The following PDZD8 variants were observed in gnomAD, a reference collection of about 807,000 sequenced individuals.
The protein encoded by PDZD8 is PDZ domain containing 8.
Under a neutral mutation model 85.8 loss-of-function variants are expected in PDZD8, and 14 were observed. That is an observed-to-expected ratio of 0.16 (90% confidence interval 0.11 to 0.26). The LOEUF is 0.26. PDZD8 is among the 10% of genes least tolerant of loss of function. PDZD8 has a pLI of 1.00. For synonymous variants in PDZD8, 592 were observed against 568.6 expected (o/e 1.04, Z -0.59); for missense variants, 1,197 against 1,424.3 (o/e 0.84, Z 2.57).
At chr10:117,326,973 C>A (rs1323806696) in intron 2 of PDZD8, among the ~76,000 whole-genome samples, 1 of 152,060 alleles carries the variant, frequency 6.6e-6, no homozygotes, top group Non-Finnish European at 1.5e-5. Flanking sequence ...TCATGGGGAC[C>A]CTGCTTAGGG....
chr10:117,333,117 C>CAAAAAAAAACAAAAAAAAA (rs1554854831), intron 2 of PDZD8, among the ~76,000 whole-genome samples: 2 of 7,256 alleles, frequency 2.8e-4, no homozygotes, highest in Non-Finnish European at 1.2e-3. Flanking sequence ...GACTCTGTCT[C>CAAAAAAAAACAAAAAAAAA]AAAAAAAAAA....
chr10:117,297,901 C>T (rs913417437), intron 3 of PDZD8, among the ~76,000 whole-genome samples: 2 of 151,960 alleles, frequency 1.3e-5, no homozygotes, highest in African/African-American at 2.4e-5. Context: ...AAAAACAAAA[C>T]CTTATATATG....
In PDZD8 at chr10:117,341,061, T is replaced by A; in HGVS notation, c.914A>T (p.Glu305Val). 1 of 1,613,796 alleles carries A rather than the reference T, an allele frequency of 6.2e-7. No homozygotes were observed. The highest frequency in any genetic ancestry group is 8.5e-7 in the Non-Finnish European group (1 of 1,179,738). The change falls in exon 2 of 5, where the codon GAA becomes GTA. Residue 305 changes from glutamate (E) to valine (V), a missense_variant. By Grantham distance (121) the Glu-to-Val change is moderately radical. Coordinates refer to ENST00000334464, the MANE Select transcript of PDZD8 (RefSeq NM_173791.5). ...FFPYQTLQGFEEDEEHIHIQQ... is the reference protein window; with the variant it reads ...FFPYQTLQGFVEDEEHIHIQQ... ...TATATGGATATGCTCTTCATCTTCT[T>A]CAAATCCTTGCAAGGTCTGGTATGG...
intron 2 of PDZD8, among the ~76,000 whole-genome samples, chr10:117,329,545 A>G (rs530931364): frequency 6.6e-6 from 1 of 152,200 alleles, no homozygotes; most frequent in Non-Finnish European, 1.5e-5. Context: ...ACAAGCTTAG[A>G]GTTCCAATAA....
At chr10:117,371,892 A>G (rs993034587) in intron 1 of PDZD8, among the ~76,000 whole-genome samples, 4 of 152,196 alleles carry the variant, frequency 2.6e-5, no homozygotes, top group African/African-American at 9.6e-5. Flanking sequence ...GCCGTGAGCC[A>G]TGATCCTGAC....
chr10:117,372,828 C>G (rs995831808), intron 1 of PDZD8, among the ~76,000 whole-genome samples: 1 of 152,172 alleles, frequency 6.6e-6, no homozygotes, highest in Non-Finnish European at 1.5e-5. Flanking sequence ...TTAGCCTAAA[C>G]AAAACATAAT....
intron 2 of PDZD8, among the ~76,000 whole-genome samples, chr10:117,322,516 A>T (rs1482966901): frequency 6.6e-6 from 1 of 152,180 alleles, no homozygotes; most frequent in African/African-American, 2.4e-5. Context: ...CAAGAGCTGC[A>T]GTTTTAAAAG....
chr10:117,350,676 G>A (rs1589585652), intron 1 of PDZD8, among the ~76,000 whole-genome samples: 2 of 151,606 alleles, frequency 1.3e-5, no homozygotes, highest in South Asian at 2.1e-4. Context: ...GGCCGAGGCA[G>A]GCGGATCACA....
rs1844913933 is a variant in PDZD8, at chr10:117,357,377, A to G, written c.873-16275T>C. ...ACCACTGCACTCCAGCCTGGGTGAC[A>G]ATGAGACCCTCTCTCAAAAAAAGAA... On this transcript the variant is annotated intron_variant, in intron 1 of 4. Transcript: ENST00000334464. Among the ~76,000 whole-genome samples, 3 of 152,268 alleles carry G rather than the reference A, an allele frequency of 2.0e-5. No individual in the cohort carries two copies. The South Asian group carries it at 6.2e-4, about 32-fold the overall frequency.
intron 3 of PDZD8, among the ~76,000 whole-genome samples, chr10:117,296,766 C>T (rs1237168767): frequency 6.6e-6 from 1 of 151,986 alleles, no homozygotes; most frequent in Non-Finnish European, 1.5e-5. Context: ...CCTTGACTCA[C>T]ACACTACATA....
chr10:117,330,722 T>A (rs892678521), intron 2 of PDZD8, among the ~76,000 whole-genome samples: 1 of 152,214 alleles, frequency 6.6e-6, no homozygotes, highest in Non-Finnish European at 1.5e-5. Context: ...AATCTCTATA[T>A]ATACAATTTA....
In PDZD8 at chr10:117,282,639, T is replaced by C. The variant is rs1407805487; in HGVS notation, c.*629A>G. Reference sequence around the variant, plus strand: ...AGAAGCATCGAAAGCAAGCAATATATGTAAAAAATTTTTTTTTACTAAATC... The same window carrying C: ...AGAAGCATCGAAAGCAAGCAATATACGTAAAAAATTTTTTTTTACTAAATC... On this transcript the variant is annotated 3_prime_UTR_variant, in exon 5 of 5. Transcript: ENST00000334464. The C allele has an allele frequency of 6.6e-6, 1 of 152,098 alleles. No individual in the cohort carries two copies. The highest frequency in any genetic ancestry group is 2.4e-5 in the African/African-American group (1 of 41,434). 9.4% of individuals were successfully genotyped at this position (152,098 alleles called of 1,614,324 possible).
At chr10:117,368,410 T>A (rs1845127071) in intron 1 of PDZD8, among the ~76,000 whole-genome samples, 2 of 152,188 alleles carry the variant, frequency 1.3e-5, no homozygotes, top group Non-Finnish European at 2.9e-5. Flanking sequence ...AGATTTCCTA[T>A]CAACATTAGT....
chr10:117,373,935 C>T (rs940633103), intron 1 of PDZD8, among the ~76,000 whole-genome samples: 5 of 152,198 alleles, frequency 3.3e-5, no homozygotes, highest in African/African-American at 1.2e-4. Context: ...TGTACTGTGT[C>T]CAGGAACAAT....
chr10:117,344,503 T>G (rs1564707057), intron 1 of PDZD8, among the ~76,000 whole-genome samples: 1 of 152,210 alleles, frequency 6.6e-6, no homozygotes, highest in Non-Finnish European at 1.5e-5. Flanking sequence ...TTCTCCTGCC[T>G]CAGCCTCCCG....
chr10:117,282,706 A>G lies in PDZD8; in HGVS notation c.*562T>C, dbSNP rs1448553034. 6.6e-6 allele frequency: 1 copy of G among 152,230 alleles called. No individual in the cohort carries two copies. The highest frequency in any genetic ancestry group is 2.4e-5 in the African/African-American group (1 of 41,454). 9.4% of individuals were successfully genotyped at this position (152,230 alleles called of 1,614,324 possible). On this transcript the variant is annotated 3_prime_UTR_variant, in exon 5 of 5. Transcript: ENST00000334464. The stretch of plus-strand genomic sequence containing the variant: ...GCTGCAGCATCTGCTTTCATGTTAC[A>G]TTTGGCAAAAACAAAACAAAAAGCA...
In PDZD8 at chr10:117,374,322, G is replaced by C. The variant is rs1396240304; in HGVS notation, c.872+34C>G. The C allele has an allele frequency of 1.2e-6, 2 of 1,602,368 alleles. No homozygotes were observed. ...GCGTCCCGCCCAGGCCCGGGTTCCC[G>C]GCAGCCAGGCCCCCTCCCCGACCTC... On this transcript the variant is annotated intron_variant, in intron 1 of 4. Transcript: ENST00000334464. The surrounding 1 kb of genome is among the most constrained non-coding windows in gnomAD (Gnocchi z 7.8).
chr10:117,349,695 C>A (rs1844770110), intron 1 of PDZD8, among the ~76,000 whole-genome samples: 1 of 152,052 alleles, frequency 6.6e-6, no homozygotes, highest in Non-Finnish European at 1.5e-5. Flanking sequence ...TCCAGCTACA[C>A]TGGAGGCTGG....
chr10:117,285,589 T>C (rs1430136939), intron 4 of PDZD8, 118 bp from the exon 5 acceptor site: 24 of 1,145,608 alleles, frequency 2.1e-5, no homozygotes, highest in Middle Eastern at 3.1e-4. Context: ...ATTTAACTAA[T>C]AGAAGAATAA....
Sources: gnomAD v4.1 joint callset for allele counts (sites outside exome capture counted in the v4.1 genomes callset) on GRCh38, gnomAD v4.1.1 for gene constraint, Gnocchi (gnomAD v3.1) non-coding constraint, MANE v1.5 for transcripts, NCBI Gene and HGNC (gene_info 2026-07-23, HGNC 2026-07-21) for gene names.